The following CCSER2 variants were observed in gnomAD, a reference collection of about 807,000 sequenced individuals.
CCSER2 encodes serine-rich coiled-coil domain-containing protein 2.
CCSER2 carries 46 observed loss-of-function variants against 92.3 expected under a neutral mutation model. The observed-to-expected ratio is 0.50, with a 90% CI of 0.39 to 0.64. The LOEUF (loss-of-function observed/expected upper bound fraction) is 0.64. Ranked by LOEUF, CCSER2 falls within the 30% of genes least tolerant of loss-of-function variation. CCSER2 has a pLI of 0.00. For synonymous variants in CCSER2, 433 were observed against 431.4 expected, an observed-to-expected ratio of 1.00 and a Z score of -0.04; for missense variants, 1,244 against 1,238.9, an observed-to-expected ratio of 1.00 and a Z score of -0.06.
At chr10:84,470,267 CT>C (rs1418672409) in intron 7 of CCSER2, 104 bp from the exon 8 acceptor site, 6 of 587,340 alleles carry the variant, frequency 1.0e-5, no homozygotes, top group South Asian at 5.2e-5. Flanking sequence ...GATTTCCCCC[CT>C]AAATGACCAG....
At chr10:84,471,585 G>A (rs1846804356) in intron 8 of CCSER2, among the ~76,000 whole-genome samples, 1 of 151,998 alleles carries the variant, frequency 6.6e-6, no homozygotes, top group Non-Finnish European at 1.5e-5. Flanking sequence ...TGTCTTGACA[G>A]ACCCAGTTAA....
At chr10:84,505,866 G>T (rs1849013336) in intron 9 of CCSER2, among the ~76,000 whole-genome samples, 2 of 92,222 alleles carry the variant, frequency 2.2e-5, no homozygotes, top group South Asian at 3.9e-4. Context: ...TGCAGCTTGT[G>T]GGATTTTTTT....
intron 3 of CCSER2, among the ~76,000 whole-genome samples, chr10:84,412,632 G>A (rs1324275237): frequency 6.6e-6 from 1 of 152,158 alleles, no homozygotes; most frequent in African/African-American, 2.4e-5. Flanking sequence ...TGGGACCAGG[G>A]GGCCATTGTG....
chr10:84,487,001 A>C (rs1474681839), intron 9 of CCSER2, among the ~76,000 whole-genome samples: 1 of 152,198 alleles, frequency 6.6e-6, no homozygotes, highest in African/African-American at 2.4e-5. Flanking sequence ...TAAATAGGGA[A>C]TCCTTTCCCC....
chr10:84,390,119 T>A (rs1004110917), intron 3 of CCSER2, among the ~76,000 whole-genome samples: 1 of 152,174 alleles, frequency 6.6e-6, no homozygotes, highest in African/African-American at 2.4e-5. Context: ...AATATTTATG[T>A]CCACATTATT....
intron 5 of CCSER2, among the ~76,000 whole-genome samples, chr10:84,436,362 G>A (rs1414790269): frequency 8.1e-6 from 1 of 123,836 alleles, no homozygotes; most frequent in African/African-American, 3.2e-5. Context: ...AATGCCGGGC[G>A]CGGTGTCTCA....
chr10:84,445,704 A>T (rs941313639), intron 6 of CCSER2, among the ~76,000 whole-genome samples: 2 of 152,194 alleles, frequency 1.3e-5, no homozygotes, highest in East Asian at 3.9e-4. Flanking sequence ...TTGAAATGAA[A>T]TGAAATAATA....
chr10:84,387,275 TGGCACTTTAAATCACACCCTG>T (rs1257610736), intron 3 of CCSER2, among the ~76,000 whole-genome samples: 1 of 152,184 alleles, frequency 6.6e-6, no homozygotes. Flanking sequence ...TGAGACCCCA[TGGCACTTTAAATCACACCCTG>T]GTTTTCTGCC....
At chr10:84,387,240 C>T (rs985722800) in intron 3 of CCSER2, among the ~76,000 whole-genome samples, 7 of 152,062 alleles carry the variant, frequency 4.6e-5, no homozygotes, top group Admixed American at 6.6e-5. Flanking sequence ...TTCTCCCCTC[C>T]CTCTAAGGGT....
chr10:84,515,894 A>G lies in CCSER2; in HGVS notation c.*1627A>G, dbSNP rs1218586753. The G allele has an allele frequency of 4.6e-5, 7 of 152,302 alleles. No individual in the cohort carries two copies. In the East Asian group the frequency reaches 1.3e-3, roughly 29 times the overall value. 9.4% of individuals were successfully genotyped at this position (152,302 alleles called of 1,614,324 possible). ...CACAAACCTAATTATGCTTTGGGTC[A>G]CTTGTCAGTTCAGTAAATCTGCCTT... is the stretch of plus-strand genomic sequence containing the variant. On this transcript the variant is annotated 3_prime_UTR_variant, in exon 10 of 10. Transcript: ENST00000372088.
chr10:84,347,589 T>C (rs1405736257), intron 1 of CCSER2, among the ~76,000 whole-genome samples: 1 of 141,884 alleles, frequency 7.0e-6, no homozygotes, highest in East Asian at 2.2e-4. Context: ...GCGGCTGGCC[T>C]GGCGGGGGCT....
chr10:84,510,312 G>A (rs1027591539), intron 9 of CCSER2, among the ~76,000 whole-genome samples: 1 of 151,994 alleles, frequency 6.6e-6, no homozygotes, highest in Non-Finnish European at 1.5e-5. Context: ...CAGATTGTTC[G>A]CGGTTCTGGA....
chr10:84,421,664 G>A (rs1423995119), intron 4 of CCSER2, among the ~76,000 whole-genome samples: 1 of 152,022 alleles, frequency 6.6e-6, no homozygotes. Context: ...AGAATGTAGG[G>A]GCAGAAAAGT....
chr10:84,455,629 T>C (rs1845571955), intron 6 of CCSER2: 1 of 628,846 alleles, frequency 1.6e-6, no homozygotes. Context: ...TGACCTTTTT[T>C]GAACTGCCTT....
intron 3 of CCSER2, among the ~76,000 whole-genome samples, chr10:84,413,668 G>A (rs1368334949): frequency 6.6e-6 from 1 of 152,156 alleles, no homozygotes; most frequent in Non-Finnish European, 1.5e-5. Context: ...TCTACTTGAT[G>A]CAGAGCTGAG....
intron 7 of CCSER2, among the ~76,000 whole-genome samples, chr10:84,466,671 AT>A (rs766106050): frequency 3.2e-3 from 454 of 139,712 alleles, no homozygotes; most frequent in Middle Eastern, 0.011. Flanking sequence ...CGCCTGGCTA[AT>A]TTTTTTTTTT....
intron 6 of CCSER2, among the ~76,000 whole-genome samples, chr10:84,445,906 T>C (rs1267239439): frequency 2.0e-5 from 3 of 152,218 alleles, no homozygotes; most frequent in African/African-American, 7.2e-5. Flanking sequence ...GTTTTGCTGC[T>C]GTATTCTAGT....
rs554645325 is a variant in CCSER2, at chr10:84,487,384, C to T, written c.2325+9720C>T. Among the ~76,000 whole-genome samples the T allele has an allele frequency of 7.2e-5, 11 of 152,168 alleles. No homozygotes were observed. The South Asian group carries it at 1.0e-3, about 14-fold the overall frequency. ...ATTCTTCCTACCCATGAGCGTGGAACGTTCTTCCATTTGTTAGTGTCCTCT... is the reference window on the plus strand; with the variant it reads ...ATTCTTCCTACCCATGAGCGTGGAATGTTCTTCCATTTGTTAGTGTCCTCT... On this transcript the variant is annotated intron_variant, in intron 9 of 9. Coordinates refer to ENST00000372088, the MANE Select transcript of CCSER2 (RefSeq NM_001284240.2).
rs1330780560 is a variant in CCSER2, at chr10:84,372,143, A to T, written c.1091A>T (p.Asp364Val). 2 of 1,613,522 alleles carry T rather than the reference A, an allele frequency of 1.2e-6. No individual in the cohort carries two copies. Among genetic ancestry groups the T allele is most frequent in the Non-Finnish European group, 1.7e-6 (2 of 1,179,768 alleles). ...GCTAAGGACAGAGCTGCTAATAAGG[A>T]CCAAGAACTGATTGAAAATGAAAGT... ...VLAKDRAANK[D>V]QELIENESYR... The change falls in exon 2 of 10, where the codon GAC becomes GTC. Residue 364 changes from aspartate to valine, a missense_variant. Physicochemically the swap from Asp to Val is radical, Grantham distance 152. Coordinates refer to ENST00000372088, the MANE Select transcript of CCSER2 (RefSeq NM_001284240.2).
Sources: gnomAD v4.1 joint callset for allele counts (sites outside exome capture counted in the v4.1 genomes callset) on GRCh38, gnomAD v4.1.1 for gene constraint, MANE v1.5 for transcripts, NCBI Gene and HGNC (gene_info 2026-07-23, HGNC 2026-07-21) for gene names.